Variants in STOX2 observed in about 807,000 individuals in gnomAD.
STOX2 encodes the protein storkhead-box protein 2.
A neutral mutation model predicts 60.9 loss-of-function variants in STOX2; 28 were observed. That is an observed-to-expected ratio of 0.46 (90% CI 0.34 to 0.63). The LOEUF is 0.63. Ranked by LOEUF, STOX2 falls within the 30% of genes least tolerant of loss-of-function variation. STOX2 has a pLI of 0.01. For synonymous variants in STOX2, 472 were observed against 463.9 expected, an observed-to-expected ratio of 1.02 and a Z score of -0.22; for missense variants, 1,024 against 1,187.7, an observed-to-expected ratio of 0.86 and a Z score of 2.03.
chr4:183,847,448 C>T (rs967492336), intron 1 of STOX2, among the ~76,000 whole-genome samples: 2 of 152,106 alleles, frequency 1.3e-5, no homozygotes, highest in South Asian at 2.1e-4. Context: ...ATTGGGTAGT[C>T]ACTTCACCAC....
chr4:184,005,190 T>C (rs1733771690), intron 2 of STOX2, among the ~76,000 whole-genome samples: 1 of 152,244 alleles, frequency 6.6e-6, no homozygotes, highest in East Asian at 1.9e-4. Context: ...CTGATTGTGG[T>C]GGCTCACACC....
intron 1 of STOX2, among the ~76,000 whole-genome samples, chr4:183,814,590 A>G (rs1739108108): frequency 6.6e-6 from 1 of 152,182 alleles, no homozygotes; most frequent in Non-Finnish European, 1.5e-5. Flanking sequence ...TGTGTGTCAG[A>G]ATCATCTGAG....
At chr4:183,923,987 C>T (rs1370414839) in intron 1 of STOX2, among the ~76,000 whole-genome samples, 1 of 152,192 alleles carries the variant, frequency 6.6e-6, no homozygotes, top group Non-Finnish European at 1.5e-5. Context: ...GGAACTTAAG[C>T]AGATACACAT....
chr4:183,981,818 C>T (rs1045925962), intron 1 of STOX2, among the ~76,000 whole-genome samples: 13 of 152,144 alleles, frequency 8.5e-5, no homozygotes, highest in Admixed American at 2.0e-4. Flanking sequence ...CGTCTGTAAT[C>T]GCAGCACTTT....
At chr4:183,820,038 T>G (rs1270709766) in intron 1 of STOX2, among the ~76,000 whole-genome samples, 1 of 152,230 alleles carries the variant, frequency 6.6e-6, no homozygotes, top group African/African-American at 2.4e-5. Context: ...TCTTTTACTC[T>G]CTTTTTGAAG....
At chr4:183,818,042 T>G (rs1739191959) in intron 1 of STOX2, among the ~76,000 whole-genome samples, 1 of 152,090 alleles carries the variant, frequency 6.6e-6, no homozygotes, top group Admixed American at 6.6e-5. Flanking sequence ...AGAAAAAATA[T>G]GTATGTTTCA....
At chr4:183,874,023 C>A (rs1740755661) in intron 1 of STOX2, among the ~76,000 whole-genome samples, 1 of 152,220 alleles carries the variant, frequency 6.6e-6, no homozygotes, top group South Asian at 2.1e-4. Flanking sequence ...CCTACATGGG[C>A]TGGATATCTG....
rs1364613075 is a variant in STOX2, at chr4:183,865,075, C to T, written c.364+67020C>T. Reference sequence around the variant, plus strand: ...AATCCACAAAGAATCTCTCTTAGAGCTGTTATCATCTGTACCCTGCCTTAG... The same window carrying T: ...AATCCACAAAGAATCTCTCTTAGAGTTGTTATCATCTGTACCCTGCCTTAG... On this transcript the variant is annotated intron_variant, in intron 1 of 2. Transcript: ENST00000513034. The surrounding 1 kb of genome is among the most constrained non-coding windows in gnomAD (Gnocchi z 4.1). Among the ~76,000 whole-genome samples, 2 of 152,178 alleles carry T rather than the reference C, an allele frequency of 1.3e-5. No homozygotes were observed. Among genetic ancestry groups the T allele is most frequent in the Non-Finnish European group, 2.9e-5 (2 of 68,032 alleles).
At chr4:183,952,293 A>T (rs1453801384) in intron 1 of STOX2, among the ~76,000 whole-genome samples, 2 of 152,256 alleles carry the variant, frequency 1.3e-5, no homozygotes, top group Non-Finnish European at 2.9e-5. Flanking sequence ...CAGGATTCAT[A>T]TACTATTCTT....
intron 1 of STOX2, among the ~76,000 whole-genome samples, chr4:183,950,342 G>GGA (rs145870979): frequency 1.1e-3 from 168 of 151,572 alleles, no homozygotes; most frequent in African/African-American, 3.6e-3. Flanking sequence ...CAGATTAGTG[G>GGA]GAGAGAGAGA....
At chr4:183,973,587 G>T (rs1192101374) in intron 1 of STOX2, among the ~76,000 whole-genome samples, 2 of 152,156 alleles carry the variant, frequency 1.3e-5, no homozygotes, top group Non-Finnish European at 2.9e-5. Flanking sequence ...TGCTCTAAAA[G>T]AAATGCTGAT....
upstream of STOX2, among the ~76,000 whole-genome samples, chr4:183,901,453 T>C (rs774116941): frequency 1.3e-5 from 2 of 152,226 alleles, no homozygotes; most frequent in Non-Finnish European, 2.9e-5. Context: ...CTGGATCATA[T>C]GGTAACTCTA....
rs147919319 is a variant in STOX2 at position 183,849,407 on chromosome 4, G to T, written c.364+51352G>T. On this transcript the variant is annotated intron_variant, in intron 1 of 2. Transcript: ENST00000513034. Reference sequence around the variant, plus strand: ...AATTAGCCTCAGCCTACTACATATGGATCAGGGGTTTCCTGTTGGGGTGGG... The same window carrying T: ...AATTAGCCTCAGCCTACTACATATGTATCAGGGGTTTCCTGTTGGGGTGGG... Among the ~76,000 whole-genome samples the T allele has an allele frequency of 8.1e-4, 123 of 152,300 alleles. No individual in the cohort carries two copies. In the East Asian group the frequency reaches 0.022, roughly 27 times the overall value.
chr4:183,938,669 CAAAAA>C (rs10577405), intron 1 of STOX2, among the ~76,000 whole-genome samples: 8 of 82,486 alleles, frequency 9.7e-5, no homozygotes, highest in Admixed American at 1.5e-4. Context: ...ACTCCGTCTC[CAAAAA>C]AAAAAAAAAA....
intron 2 of STOX2, among the ~76,000 whole-genome samples, chr4:184,005,383 C>CG (rs59029519): frequency 0.71 from 106,492 of 149,642 alleles, 39,525 homozygotes; most frequent in Non-Finnish European, 0.83. Context: ...CACTTGAACC[C>CG]GGAGGTGGAG....
intron 1 of STOX2, among the ~76,000 whole-genome samples, chr4:183,813,549 G>T (rs111784658): frequency 6.6e-6 from 1 of 152,102 alleles, no homozygotes; most frequent in Non-Finnish European, 1.5e-5. Context: ...GTGGATTTTC[G>T]TATTCTTGGT....
intron 1 of STOX2, among the ~76,000 whole-genome samples, chr4:183,929,099 G>A (rs1040598748): frequency 3.9e-5 from 6 of 152,158 alleles, no homozygotes; most frequent in African/African-American, 1.2e-4. Flanking sequence ...AAGATACAAG[G>A]CAGTAACTTA....
chr4:183,906,879 G>T lies in STOX2; in HGVS notation c.89G>T (p.Ser30Ile). 1 of 1,551,314 alleles carries T rather than the reference G, an allele frequency of 6.4e-7. No homozygotes were observed. Among genetic ancestry groups the T allele is most frequent in the Non-Finnish European group, 8.7e-7 (1 of 1,146,950 alleles). Residue 30 changes from serine (S) to isoleucine (I), a missense_variant, in exon 1 of 4, where the codon AGC (serine) becomes ATC (isoleucine). Ser to Ile is a moderately radical substitution (Grantham distance 142). Transcript: ENST00000308497. ...GCCTCGGACCGCATGAGGTCCCGCA[G>T]CGAGAAGGACTACCGCCTGCACAAG... Reference protein sequence around the residue: ...DRASDRMRSRSEKDYRLHKRF... With the variant: ...DRASDRMRSRIEKDYRLHKRF...
rs113531182 is a variant in STOX2, at chr4:183,994,311, G to A, written c.167-7014G>A. On this transcript the variant is annotated intron_variant, in intron 1 of 3. Coordinates refer to ENST00000308497, the MANE Select transcript of STOX2 (RefSeq NM_020225.3). The stretch of plus-strand genomic sequence containing the variant: ...TATGGCATCCGTGATTTTAACTTGC[G>A]TGTTAATTTTGGCGGTGCAGAGAAC... Among the ~76,000 whole-genome samples, 514 of 152,292 alleles carry A rather than the reference G, an allele frequency of 3.4e-3. 3 individuals carry two copies. The highest frequency in any genetic ancestry group is 0.012 in the African/African-American group (487 of 41,560).
Sources: allele counts gnomAD v4.1 joint callset (sites outside exome capture counted in the v4.1 genomes callset), GRCh38; gene constraint gnomAD v4.1.1; non-coding constraint Gnocchi (gnomAD v3.1); transcripts MANE v1.5; gene names NCBI Gene and HGNC (gene_info 2026-07-23, HGNC 2026-07-21).